Variants in PCDHGA10 observed in about 807,000 individuals in gnomAD.
PCDHGA10 encodes the protein protocadherin gamma-A10.
Under a neutral mutation model 59.5 loss-of-function variants are expected in PCDHGA10, and 42 were observed. The ratio of observed to expected loss-of-function variants is 0.71; its 90% CI spans 0.55 to 0.91. The LOEUF (loss-of-function observed/expected upper bound fraction) is 0.91, where lower values mean the gene tolerates loss of function less well. Among genes scored for constraint, PCDHGA10 ranks in the 40% least tolerant of loss-of-function variants. The pLI is 0.00. For synonymous variants in PCDHGA10, 511 were observed against 517.2 expected (o/e 0.99, Z 0.16); for missense variants, 1,111 against 1,198.2 (o/e 0.93, Z 1.07).
chr5:141,446,289 G>T (rs1333286399), intron 1 of PCDHGA10, among the ~76,000 whole-genome samples: 1 of 152,112 alleles, frequency 6.6e-6, no homozygotes, highest in Non-Finnish European at 1.5e-5. Flanking sequence ...GATAAATGGG[G>T]AGCAGGGATT....
rs116140192 is a variant in PCDHGA10, at chr5:141,497,400, A to C, written c.2495+2535A>C. Among the ~76,000 whole-genome samples, 87 of 152,110 alleles carry C rather than the reference A, an allele frequency of 5.7e-4. 1 individual carries two copies. Among genetic ancestry groups the C allele is most frequent in the African/African-American group, 2.0e-3 (82 of 41,484 alleles). ...GGGGTGAGCACCTTACCCCTGCCTCAACTCCCATTCCATCAAATGAGAGGC... is the reference window on the plus strand; with the variant it reads ...GGGGTGAGCACCTTACCCCTGCCTCCACTCCCATTCCATCAAATGAGAGGC... On this transcript the variant is annotated intron_variant, in intron 2 of 3. Coordinates refer to ENST00000398610, the MANE Select transcript of PCDHGA10 (RefSeq NM_018913.3).
At chr5:141,497,464 TGGA>T (rs769464389) in intron 2 of PCDHGA10, among the ~76,000 whole-genome samples, 3 of 151,764 alleles carry the variant, frequency 2.0e-5, no homozygotes, top group Non-Finnish European at 4.4e-5. Context: ...CTTGGAGATA[TGGA>T]GGAGAAGGTG....
At position 141,431,556 on chromosome 5, in the gene PCDHGA10, C is replaced by G. The variant is rs1561853752; in HGVS notation, c.2436+15945C>G. ...GGCACGCAGCTGCTTGTAGTCAACGCTACCGACCCTGACGAAGGAGTCAAT... is the reference window on the plus strand; with the variant it reads ...GGCACGCAGCTGCTTGTAGTCAACGGTACCGACCCTGACGAAGGAGTCAAT... On this transcript the variant is annotated intron_variant, in intron 1 of 3. Transcript: ENST00000398610. The surrounding 1 kb of genome is among the most constrained non-coding windows in gnomAD (Gnocchi z 4.8). 3 of 1,614,138 alleles carry G rather than the reference C, an allele frequency of 1.9e-6. No individual in the cohort carries two copies. The highest frequency in any genetic ancestry group is 2.5e-6 in the Non-Finnish European group (3 of 1,180,022).
chr5:141,431,699 T>C lies in PCDHGA10; in HGVS notation c.2436+16088T>C. ...GGAGTTGGACCACGAGGAGTCAGGA[T>C]TCTACCAGATGGAAGTGCAAGCAAT... is the stretch of plus-strand genomic sequence containing the variant. On this transcript the variant is annotated intron_variant, in intron 1 of 3. Coordinates refer to ENST00000398610, the MANE Select transcript of PCDHGA10 (RefSeq NM_018913.3). The surrounding 1 kb of genome is among the most constrained non-coding windows in gnomAD (Gnocchi z 4.8). 6.2e-7 allele frequency: 1 copy of C among 1,614,222 alleles called. No individual in the cohort carries two copies. Among genetic ancestry groups the C allele is most frequent in the South Asian group, 1.1e-5 (1 of 91,074 alleles).
intron 3 of PCDHGA10, 118 bp downstream of exon 3, chr5:141,505,599 G>A (rs936757644): frequency 1.5e-5 from 23 of 1,555,468 alleles, no homozygotes; most frequent in South Asian, 2.4e-5. Flanking sequence ...CAGATCTTTC[G>A]GCAGGTCTGA....
chr5:141,413,697 T>G lies in PCDHGA10; in HGVS notation c.522T>G (p.Tyr174Ter). Residue 174 changes from tyrosine (Y) to a stop codon, truncating the protein, a stop_gained, in exon 1 of 4, where the codon TAT becomes TAG. Coordinates refer to ENST00000398610, the MANE Select transcript of PCDHGA10 (RefSeq NM_018913.3). LOFTEE classifies it high-confidence loss of function. ...TGGGCGTGAACTCCCTGCAGAGCTA[T>G]CAGCTCAGCCCCAATAAGCACTTCT... ...PDVGVNSLQS[Y>*]QLSPNKHFSL... 4 of 1,613,632 alleles carry G rather than the reference T, an allele frequency of 2.5e-6. No homozygotes were observed. The highest frequency in any genetic ancestry group is 3.4e-6 in the Non-Finnish European group (4 of 1,179,748).
rs564486909 is a variant in PCDHGA10, at chr5:141,428,072, G to A, written c.2436+12461G>A. The A allele has an allele frequency of 1.6e-5, 25 of 1,609,080 alleles. No individual in the cohort carries two copies. The South Asian group carries it at 1.9e-4, about 12-fold the overall frequency. On this transcript the variant is annotated intron_variant, in intron 1 of 3. Coordinates refer to ENST00000398610, the MANE Select transcript of PCDHGA10 (RefSeq NM_018913.3). The stretch of plus-strand genomic sequence containing the variant: ...AGGTGGTGGCGGTGGACGCAGATTC[G>A]GGACACAACGCTTGGCTGTCCTACC...
intron 2 of PCDHGA10, among the ~76,000 whole-genome samples, chr5:141,504,793 C>A (rs1256626821): frequency 9.9e-5 from 15 of 152,166 alleles, no homozygotes; most frequent in Admixed American, 3.9e-4. Context: ...GGGCCTCCTA[C>A]ATCTCCCCCT....
intron 1 of PCDHGA10, among the ~76,000 whole-genome samples, chr5:141,475,750 T>C (rs1158317865): frequency 6.6e-6 from 1 of 152,270 alleles, no homozygotes; most frequent in African/African-American, 2.4e-5. Context: ...AGGTTTCCTA[T>C]GCACCGATAC....
In PCDHGA10 at chr5:141,485,701, A is replaced by G. The variant is rs747748476; in HGVS notation, c.2437-9106A>G. The G allele has an allele frequency of 1.9e-6, 3 of 1,614,104 alleles. No homozygotes were observed. Among genetic ancestry groups the G allele is most frequent in the Non-Finnish European group, 2.5e-6 (3 of 1,180,010 alleles). On this transcript the variant is annotated intron_variant, in intron 1 of 3. Transcript: ENST00000398610. The surrounding 1 kb of genome is among the most constrained non-coding windows in gnomAD (Gnocchi z 5.7). ...GCAGCTATAGGCTGAGCTCCAATGAACACTTTGCACTGGATGTGAAGAAGC... is the reference window on the plus strand; with the variant it reads ...GCAGCTATAGGCTGAGCTCCAATGAGCACTTTGCACTGGATGTGAAGAAGC...
At chr5:141,508,383 T>C (rs1169318572) in intron 3 of PCDHGA10, 1 of 152,236 alleles carries the variant, frequency 6.6e-6, no homozygotes, top group Non-Finnish European at 1.5e-5. Flanking sequence ...CTCAGATTTA[T>C]AGATGGGAAA....
Position 141,487,007 on chromosome 5 carries a change from G to C in PCDHGA10, c.2437-7800G>C, listed in dbSNP as rs563548715. On this transcript the variant is annotated intron_variant, in intron 1 of 3. Transcript: ENST00000398610. This position sits in a 1 kb window ranked among gnomAD's most constrained non-coding sequence, Gnocchi z 5.0. ...TGCTTGGGTTTCCTATCAGCTCCTG[G>C]AGGCCCCAGATCCCAGCCTGTTTGC... The C allele has an allele frequency of 6.2e-7, 1 of 1,614,206 alleles. No individual in the cohort carries two copies. Among genetic ancestry groups the C allele is most frequent in the Non-Finnish European group, 8.5e-7 (1 of 1,180,042 alleles).
intron 1 of PCDHGA10, chr5:141,478,165 C>A: frequency 1.2e-6 from 2 of 1,614,038 alleles, no homozygotes; most frequent in Non-Finnish European, 1.7e-6. Context: ...GCTCTGCCCC[C>A]CGGGAGCAGA....
chr5:141,487,392 G>A lies in PCDHGA10; in HGVS notation c.2437-7415G>A, dbSNP rs773126086. 2 of 1,614,176 alleles carry A rather than the reference G, an allele frequency of 1.2e-6. No individual in the cohort carries two copies. Among genetic ancestry groups the A allele is most frequent in the Non-Finnish European group, 1.7e-6 (2 of 1,180,024 alleles). On this transcript the variant is annotated intron_variant, in intron 1 of 3. Transcript: ENST00000398610. This position sits in a 1 kb window ranked among gnomAD's most constrained non-coding sequence, Gnocchi z 5.0. ...GCCTGTCTCACCAGATCTCGAAGGA[G>A]GGAGGGGCTTCCCCCTTCCAATGGG...
intron 1 of PCDHGA10, among the ~76,000 whole-genome samples, chr5:141,464,076 C>A (rs561982216): frequency 3.1e-4 from 47 of 152,132 alleles, no homozygotes; most frequent in African/African-American, 9.4e-4. Context: ...GCCAGCCTGG[C>A]CAACATGGTG....
chr5:141,500,269 C>T (rs977958449), intron 2 of PCDHGA10, among the ~76,000 whole-genome samples: 1 of 151,504 alleles, frequency 6.6e-6, no homozygotes, highest in African/African-American at 2.4e-5. Context: ...ACTGCAGTGG[C>T]GCAATCTCGG....
Position 141,432,691 on chromosome 5 carries a change from G to A in PCDHGA10, c.2436+17080G>A, listed in dbSNP as rs1308174141. Reference sequence around the variant, plus strand: ...ACGCGCTCAAGCAGAGCCTCGTAGTGGCCGTCCAGGACCACGGCCAGCCCC... The same window carrying A: ...ACGCGCTCAAGCAGAGCCTCGTAGTAGCCGTCCAGGACCACGGCCAGCCCC... On this transcript the variant is annotated intron_variant, in intron 1 of 3. Transcript: ENST00000398610. The surrounding 1 kb of genome is among the most constrained non-coding windows in gnomAD (Gnocchi z 6.0). 1 of 1,613,942 alleles carries A rather than the reference G, an allele frequency of 6.2e-7. No individual in the cohort carries two copies. Among genetic ancestry groups the A allele is most frequent in the South Asian group, 1.1e-5 (1 of 91,068 alleles).
intron 1 of PCDHGA10, among the ~76,000 whole-genome samples, chr5:141,450,666 T>G (rs1434496607): frequency 6.6e-6 from 1 of 151,890 alleles, no homozygotes; most frequent in African/African-American, 2.4e-5. Context: ...TTTGTACTTT[T>G]AGTAGAAACG....
intron 1 of PCDHGA10, chr5:141,423,829 A>G: frequency 7.9e-7 from 1 of 1,268,964 alleles, no homozygotes; most frequent in Non-Finnish European, 9.9e-7. Flanking sequence ...GCCTTTCATG[A>G]GATTACGATA....
Sources: gnomAD v4.1 joint callset for allele counts (sites outside exome capture counted in the v4.1 genomes callset) on GRCh38, gnomAD v4.1.1 for gene constraint, Gnocchi (gnomAD v3.1) non-coding constraint, MANE v1.5 for transcripts, NCBI Gene and HGNC (gene_info 2026-07-23, HGNC 2026-07-21) for gene names.